GABBR2: variants seen among roughly 807,000 people sequenced by gnomAD.
GABBR2 encodes the protein G-protein coupled receptor 51.
GABBR2 carries 23 observed loss-of-function variants against 105.6 expected under a neutral mutation model. The observed-to-expected ratio is 0.22, with a 90% CI of 0.16 to 0.31. The LOEUF (loss-of-function observed/expected upper bound fraction) is 0.31. Ranked by LOEUF, GABBR2 falls within the 10% of genes least tolerant of loss-of-function variation. The probability of loss-of-function intolerance (pLI) is 1.00; values close to 1 mark genes in which losing one functional copy is unlikely to be tolerated. For synonymous variants in GABBR2, 478 were observed against 499.7 expected (o/e 0.96, Z 0.58); for missense variants, 734 against 1,245.5 (o/e 0.59, Z 6.18).
chr9:98,400,184 C>CTTT (rs552889618), intron 8 of GABBR2, among the ~76,000 whole-genome samples: 1 of 136,274 alleles, frequency 7.3e-6, no homozygotes, highest in African/African-American at 2.8e-5. Flanking sequence ...GAGACCCTGC[C>CTTT]TTTTTTTTTT....
intron 5 of GABBR2, among the ~76,000 whole-genome samples, chr9:98,478,885 G>C (rs558453186): frequency 1.3e-5 from 2 of 151,924 alleles, no homozygotes; most frequent in African/African-American, 4.8e-5. Context: ...TTCCTCATTC[G>C]ATCAACACCA....
intron 17 of GABBR2, among the ~76,000 whole-genome samples, chr9:98,298,183 A>G (rs995213): frequency 0.46 from 70,643 of 152,046 alleles, 18,598 homozygotes; most frequent in African/African-American, 0.72. Context: ...TCACACACAC[A>G]TGTATGCATT....
intron 13 of GABBR2, among the ~76,000 whole-genome samples, chr9:98,311,535 T>C: frequency 6.6e-6 from 1 of 152,174 alleles, no homozygotes; most frequent in East Asian, 1.9e-4. Context: ...CCAATGCAGG[T>C]ACCGCTAATA....
chr9:98,686,283 C>T (rs1288803060), intron 1 of GABBR2, among the ~76,000 whole-genome samples: 1 of 152,180 alleles, frequency 6.6e-6, no homozygotes, highest in Non-Finnish European at 1.5e-5. Context: ...CCAACCTGCT[C>T]TTGGGGTATG....
At chr9:98,635,560 GACAC>G (rs1161790545) in intron 1 of GABBR2, among the ~76,000 whole-genome samples, 4 of 152,206 alleles carry the variant, frequency 2.6e-5, no homozygotes, top group African/African-American at 9.7e-5. Flanking sequence ...CAAAAAGAAA[GACAC>G]ACACAGAGGC....
At chr9:98,299,827 C>G (rs1235985782) in intron 16 of GABBR2, among the ~76,000 whole-genome samples, 2 of 152,056 alleles carry the variant, frequency 1.3e-5, no homozygotes. Flanking sequence ...GAAAGTTTAG[C>G]CCAGTGTCTG....
intron 13 of GABBR2, among the ~76,000 whole-genome samples, chr9:98,336,867 C>G (rs1169626546): frequency 6.6e-6 from 1 of 151,792 alleles, no homozygotes; most frequent in Non-Finnish European, 1.5e-5. Flanking sequence ...ACTTTTGATT[C>G]AAAGATATAA....
chr9:98,509,623 G>T (rs1588203119), intron 3 of GABBR2, among the ~76,000 whole-genome samples: 1 of 152,206 alleles, frequency 6.6e-6, no homozygotes, highest in Non-Finnish European at 1.5e-5. Flanking sequence ...CGTGACGAAT[G>T]CACAAACCTC....
chr9:98,698,503 C>CTTT (rs200900023), intron 1 of GABBR2, among the ~76,000 whole-genome samples: 14 of 78,796 alleles, frequency 1.8e-4, no homozygotes, highest in African/African-American at 3.7e-4. Context: ...ATGCACAATT[C>CTTT]TTTTTTTTTT....
intron 1 of GABBR2, among the ~76,000 whole-genome samples, chr9:98,600,542 T>C (rs1829314175): frequency 1.3e-5 from 2 of 152,248 alleles, no homozygotes; most frequent in South Asian, 4.1e-4. Context: ...CTGAGAAACC[T>C]GCTTTCTCTG....
At chr9:98,353,215 ATC>A (rs542609963) in intron 13 of GABBR2, among the ~76,000 whole-genome samples, 356 of 152,186 alleles carry the variant, frequency 2.3e-3, no homozygotes, top group Non-Finnish European at 3.4e-3. Context: ...GCTGATCCTG[ATC>A]TCTCTTAGAT....
At chr9:98,426,708 T>C (rs978568808) in intron 7 of GABBR2, among the ~76,000 whole-genome samples, 1 of 152,136 alleles carries the variant, frequency 6.6e-6, no homozygotes, top group African/African-American at 2.4e-5. Flanking sequence ...AAGAGAAAAG[T>C]GTTAGCAGGC....
chr9:98,568,113 A>T (rs547164058), intron 2 of GABBR2, among the ~76,000 whole-genome samples: 2 of 152,206 alleles, frequency 1.3e-5, no homozygotes, highest in East Asian at 1.9e-4. Context: ...CGGGGACCAC[A>T]TCTCCACCCC....
At chr9:98,492,993 G>A (rs544390918) in intron 4 of GABBR2, among the ~76,000 whole-genome samples, 252 of 152,282 alleles carry the variant, frequency 1.7e-3, no homozygotes, top group Non-Finnish European at 3.1e-3. Flanking sequence ...TACCTCTTTG[G>A]AGTGTGAAGT....
chr9:98,542,605 G>C (rs1828326804), intron 2 of GABBR2, among the ~76,000 whole-genome samples: 1 of 152,150 alleles, frequency 6.6e-6, no homozygotes, highest in Non-Finnish European at 1.5e-5. Flanking sequence ...ATAAGATAGA[G>C]TCTGTGATGT....
chr9:98,338,395 G>C (rs780564651), intron 13 of GABBR2, among the ~76,000 whole-genome samples: 1 of 152,062 alleles, frequency 6.6e-6, no homozygotes, highest in African/African-American at 2.4e-5. Context: ...CTAGTATCTA[G>C]AATATATAAA....
At chr9:98,453,002 C>T (rs534373140) in intron 7 of GABBR2, among the ~76,000 whole-genome samples, 2 of 152,240 alleles carry the variant, frequency 1.3e-5, no homozygotes, top group African/African-American at 4.8e-5. Context: ...TGTGCCTGCA[C>T]TGTGTGCGCA....
intron 1 of GABBR2, among the ~76,000 whole-genome samples, chr9:98,691,620 T>G (rs1830683419): frequency 6.6e-6 from 1 of 152,198 alleles, no homozygotes; most frequent in Non-Finnish European, 1.5e-5. Context: ...GGCCCAAAGG[T>G]GACTGTTTCC....
At chr9:98,553,917 C>A (rs1262397517) in intron 2 of GABBR2, among the ~76,000 whole-genome samples, 1 of 152,170 alleles carries the variant, frequency 6.6e-6, no homozygotes, top group Non-Finnish European at 1.5e-5. Context: ...TAACAATTCC[C>A]AAAACATATT....
Sources: gnomAD v4.1 joint callset for allele counts (sites outside exome capture counted in the v4.1 genomes callset) on GRCh38, gnomAD v4.1.1 for gene constraint, MANE v1.5 for transcripts, NCBI Gene and HGNC (gene_info 2026-07-23, HGNC 2026-07-21) for gene names.